Variants in SMAP2 observed in about 807,000 individuals in gnomAD.
SMAP2 encodes small ArfGAP2, also known as stromal membrane-associated protein 2.
SMAP2 carries 25 observed loss-of-function variants against 56.4 expected under a neutral mutation model. The observed-to-expected ratio is 0.44, with a 90% CI of 0.32 to 0.62. The LOEUF (loss-of-function observed/expected upper bound fraction) is 0.62. SMAP2 is among the 20% of genes least tolerant of loss of function. The pLI is 0.04. For missense variants in SMAP2, 388 were observed against 545.6 expected (o/e 0.71, Z 2.88); for synonymous variants, 157 against 181.7 (o/e 0.86, Z 1.09).
intron 1 of SMAP2, among the ~76,000 whole-genome samples, chr1:40,404,021 C>T (rs751678186): frequency 6.6e-5 from 10 of 152,108 alleles, no homozygotes; most frequent in South Asian, 2.1e-4. Flanking sequence ...TCGCTTGAGG[C>T]GAGGAGTTTG....
At chr1:40,361,782 CT>C (rs1467510550) in intron 1 of SMAP2, among the ~76,000 whole-genome samples, 3 of 152,132 alleles carry the variant, frequency 2.0e-5, no homozygotes, top group Non-Finnish European at 4.4e-5. Context: ...AGGACTTTGT[CT>C]TGTGGCTTGG....
At chr1:40,414,742 T>G (rs750742194) in intron 6 of SMAP2, among the ~76,000 whole-genome samples, 1 of 152,214 alleles carries the variant, frequency 6.6e-6, no homozygotes, top group Non-Finnish European at 1.5e-5. Flanking sequence ...TTCCTTTCAT[T>G]TTTCAGATGC....
intron 2 of SMAP2, 49 bp downstream of exon 2, chr1:40,406,918 G>A: frequency 3.9e-6 from 6 of 1,519,318 alleles, no homozygotes; most frequent in South Asian, 2.5e-5. Flanking sequence ...CTATGTAAAA[G>A]GAATTCCAGA....
In SMAP2 at chr1:40,393,105, A is replaced by C. The variant is rs1644733279; in HGVS notation, c.104-13631A>C. On this transcript the variant is annotated intron_variant, in intron 1 of 9. Coordinates refer to ENST00000372718, the MANE Select transcript of SMAP2 (RefSeq NM_022733.3). The stretch of plus-strand genomic sequence containing the variant: ...TGACAGAGCGTGAATCCATCTCAAA[A>C]AAAAAAAAAGTATACTAAATTAGTA... 2.0e-5 allele frequency among the ~76,000 whole-genome samples: 3 copies of C among 151,184 alleles called. No homozygotes were observed. The South Asian group carries it at 6.3e-4, about 32-fold the overall frequency.
chr1:40,403,169 G>T (rs1184377835), intron 1 of SMAP2, among the ~76,000 whole-genome samples: 1 of 152,166 alleles, frequency 6.6e-6, no homozygotes, highest in Non-Finnish European at 1.5e-5. Context: ...AGTTCATTTT[G>T]GTTCTGATAT....
chr1:40,355,903 AC>A (rs1312070891), intron 1 of SMAP2, among the ~76,000 whole-genome samples: 1 of 152,034 alleles, frequency 6.6e-6, no homozygotes, highest in Non-Finnish European at 1.5e-5. Context: ...GAGCCACTGC[AC>A]CCAGCAAATT....
chr1:40,375,328 G>A (rs556605460), intron 1 of SMAP2, among the ~76,000 whole-genome samples: 5 of 152,288 alleles, frequency 3.3e-5, no homozygotes, highest in African/African-American at 1.2e-4. Flanking sequence ...GTTGTTTGCC[G>A]TACAGCGTAG....
intron 1 of SMAP2, among the ~76,000 whole-genome samples, chr1:40,350,449 G>T (rs1644405239): frequency 6.6e-6 from 1 of 152,224 alleles, no homozygotes; most frequent in African/African-American, 2.4e-5. Context: ...TCAGGAATCA[G>T]TGAGAACTTC....
chr1:40,380,741 G>A (rs888741706), intron 1 of SMAP2, among the ~76,000 whole-genome samples: 7 of 152,034 alleles, frequency 4.6e-5, no homozygotes, highest in African/African-American at 1.7e-4. Flanking sequence ...TGTTGGCCAG[G>A]CTGGTCTCGA....
intron 1 of SMAP2, among the ~76,000 whole-genome samples, chr1:40,397,103 C>T (rs1010559193): frequency 1.3e-5 from 2 of 152,146 alleles, no homozygotes; most frequent in Admixed American, 6.5e-5. Context: ...AATTTGATTC[C>T]GTGTTTTAGG....
chr1:40,396,987 G>T (rs534162683), intron 1 of SMAP2: 10 of 259,052 alleles, frequency 3.9e-5, no homozygotes, highest in African/African-American at 2.1e-4. Context: ...GTTATGTCAC[G>T]TAGAATTAAT....
intron 1 of SMAP2, among the ~76,000 whole-genome samples, chr1:40,402,819 T>C (rs1644848972): frequency 6.6e-6 from 1 of 152,134 alleles, no homozygotes; most frequent in African/African-American, 2.4e-5. Context: ...GAATTGGAGG[T>C]CATTATGTTA....
intron 1 of SMAP2, among the ~76,000 whole-genome samples, chr1:40,354,783 T>G (rs1485461992): frequency 8.6e-6 from 1 of 116,100 alleles, no homozygotes; most frequent in Non-Finnish European, 1.8e-5. Context: ...TTTTTTTTTT[T>G]TTTTTTTTTT....
At chr1:40,395,328 T>A (rs1263770433) in intron 1 of SMAP2, among the ~76,000 whole-genome samples, 2 of 152,124 alleles carry the variant, frequency 1.3e-5, no homozygotes, top group Non-Finnish European at 2.9e-5. Context: ...TATACACTAG[T>A]TACCTTCCAC....
At chr1:40,396,499 A>G (rs1644773451) in intron 1 of SMAP2, among the ~76,000 whole-genome samples, 3 of 152,216 alleles carry the variant, frequency 2.0e-5, no homozygotes, top group Admixed American at 2.0e-4. Flanking sequence ...TTTGTCTCAG[A>G]CATTTTTAAG....
chr1:40,348,616 G>A (rs944312964), intron 1 of SMAP2, among the ~76,000 whole-genome samples: 3 of 151,978 alleles, frequency 2.0e-5, no homozygotes, highest in Non-Finnish European at 4.4e-5. Flanking sequence ...GGCAGAGGTT[G>A]CAGTGAGCAG....
chr1:40,422,164 C>T lies in SMAP2; in HGVS notation c.*63C>T, dbSNP rs1257077182. 16 of 1,593,502 alleles carry T rather than the reference C, an allele frequency of 1.0e-5. No homozygotes were observed. Among genetic ancestry groups the T allele is most frequent in the Admixed American group, 8.6e-5 (5 of 58,208 alleles). ...CTCGCTCTCCCCTTTCCACAGCCTC[C>T]ACCCCTGACCCCCATCCTCTTTTCC... is the stretch of plus-strand genomic sequence containing the variant. On this transcript the variant is annotated 3_prime_UTR_variant, in exon 10 of 10. Coordinates refer to ENST00000372718, the MANE Select transcript of SMAP2 (RefSeq NM_022733.3).
intron 1 of SMAP2, among the ~76,000 whole-genome samples, chr1:40,402,257 A>G (rs1644841948): frequency 6.6e-6 from 1 of 152,218 alleles, no homozygotes; most frequent in Non-Finnish European, 1.5e-5. Context: ...ATTTTGATAC[A>G]TTCACATAAT....
intron 2 of SMAP2, among the ~76,000 whole-genome samples, chr1:40,364,523 G>A (rs1057405120): frequency 1.3e-5 from 2 of 151,988 alleles, no homozygotes; most frequent in East Asian, 1.9e-4. Flanking sequence ...CAGGAGGATC[G>A]CTTGATTCCA....
Sources: gnomAD v4.1 joint callset for allele counts (sites outside exome capture counted in the v4.1 genomes callset) on GRCh38, gnomAD v4.1.1 for gene constraint, MANE v1.5 for transcripts, NCBI Gene and HGNC (gene_info 2026-07-23, HGNC 2026-07-21) for gene names.